The following CCNJL variants were observed in gnomAD, a reference collection of about 807,000 sequenced individuals.
CCNJL encodes the protein cyclin J like.
Under a neutral mutation model 33.4 loss-of-function variants are expected in CCNJL, and 33 were observed. The observed-to-expected ratio is 0.99, with a 90% CI of 0.75 to 1.32. The LOEUF is 1.32. Among genes scored for constraint, CCNJL ranks in the 40% most tolerant of loss-of-function variants. The probability of loss-of-function intolerance (pLI) is 0.00; values close to 1 mark genes in which losing one functional copy is unlikely to be tolerated. For missense variants in CCNJL, 512 were observed against 499.7 expected, an observed-to-expected ratio of 1.02 and a Z score of -0.23; for synonymous variants, 227 against 220.9, an observed-to-expected ratio of 1.03 and a Z score of -0.24.
At chr5:160,277,443 G>A (rs1311451006) in intron 3 of CCNJL, among the ~76,000 whole-genome samples, 1 of 152,184 alleles carries the variant, frequency 6.6e-6, no homozygotes, top group Non-Finnish European at 1.5e-5. Flanking sequence ...TTGCAGGAGG[G>A]GTGCTGTATA....
intron 3 of CCNJL, among the ~76,000 whole-genome samples, chr5:160,263,328 C>T (rs1002550807): frequency 3.9e-5 from 6 of 152,192 alleles, no homozygotes; most frequent in African/African-American, 1.4e-4. Flanking sequence ...TTCTAATATT[C>T]AGTCCACATC....
At chr5:160,271,606 G>C (rs1372100749) in intron 3 of CCNJL, among the ~76,000 whole-genome samples, 2 of 152,210 alleles carry the variant, frequency 1.3e-5, no homozygotes, top group Non-Finnish European at 2.9e-5. Flanking sequence ...TGACATTCGA[G>C]CCCCGTGCCC....
Position 160,255,550 on chromosome 5 carries a change from C to A in CCNJL, c.742G>T (p.Val248Leu). The change falls in exon 5 of 6, where the codon GTA (valine) becomes TTA (leucine). Residue 248 changes from valine to leucine, a missense_variant and splice_region_variant. Val to Leu is a conservative substitution (Grantham distance 32). Coordinates refer to ENST00000257536, the MANE Select transcript of CCNJL (RefSeq NM_001308173.3). ...HLSTCIEILL[V>L]VYDNVLKDAV... Reference sequence around the variant, plus strand: ...ACAGGATTCAGGGGAGAAACTTACACCAGCAGGATTTCAATACACGTGCTG... The same window carrying A: ...ACAGGATTCAGGGGAGAAACTTACAACAGCAGGATTTCAATACACGTGCTG... 6.2e-7 allele frequency: 1 copy of A among 1,613,888 alleles called. No individual in the cohort carries two copies. Among genetic ancestry groups the A allele is most frequent in the Non-Finnish European group, 8.5e-7 (1 of 1,179,842 alleles).
intron 1 of CCNJL, among the ~76,000 whole-genome samples, chr5:160,318,296 C>T (rs1287526892): frequency 6.6e-6 from 1 of 152,186 alleles, no homozygotes; most frequent in African/African-American, 2.4e-5. Flanking sequence ...GAATTACAGG[C>T]GTGAGCCACC....
At chr5:160,311,693 C>T (rs1424671896) in intron 2 of CCNJL, among the ~76,000 whole-genome samples, 165 bp downstream of exon 2, 3 of 152,110 alleles carry the variant, frequency 2.0e-5, no homozygotes, top group East Asian at 3.9e-4. Context: ...CTCTAACCCC[C>T]GCCCCCCAAT....
At chr5:160,319,135 T>C (rs1763411117) in intron 1 of CCNJL, among the ~76,000 whole-genome samples, 1 of 152,176 alleles carries the variant, frequency 6.6e-6, no homozygotes, top group South Asian at 2.1e-4. Context: ...TTTTAAGAGA[T>C]GGAGTTTTGC....
intron 2 of CCNJL, among the ~76,000 whole-genome samples, chr5:160,306,540 A>G (rs941542568): frequency 2.6e-5 from 4 of 152,170 alleles, no homozygotes; most frequent in Non-Finnish European, 5.9e-5. Context: ...TGTCAAGCAG[A>G]GCTTATCAAC....
upstream of CCNJL, among the ~76,000 whole-genome samples, chr5:160,313,634 A>G (rs918164600): frequency 2.0e-5 from 3 of 152,248 alleles, no homozygotes; most frequent in African/African-American, 7.2e-5. Flanking sequence ...TTAAAAGTGT[A>G]AGATACCTAA....
chr5:160,320,850 C>CTTTCTTTCTTTCCTTCTTTCT (rs1491096774), intron 1 of CCNJL, among the ~76,000 whole-genome samples: 1 of 55,532 alleles, frequency 1.8e-5, no homozygotes, highest in African/African-American at 6.0e-5. Flanking sequence ...TCTTTCTTTC[C>CTTTCTTTCTTTCCTTCTTTCT]TTCTTTCTTT....
At chr5:160,337,476 A>G (rs1763697209) in intron 1 of CCNJL, among the ~76,000 whole-genome samples, 1 of 152,156 alleles carries the variant, frequency 6.6e-6, no homozygotes, top group African/African-American at 2.4e-5. Context: ...CTCACTCAGC[A>G]TAAAAGCCAA....
At chr5:160,257,518 T>C (rs944065248) in intron 4 of CCNJL, among the ~76,000 whole-genome samples, 2 of 150,414 alleles carry the variant, frequency 1.3e-5, no homozygotes, top group East Asian at 2.0e-4. Flanking sequence ...AGCAATAACC[T>C]TGGGTAAGTT....
intron 2 of CCNJL, among the ~76,000 whole-genome samples, chr5:160,295,936 G>A (rs1006628107): frequency 3.3e-4 from 50 of 152,154 alleles, no homozygotes; most frequent in African/African-American, 1.1e-3. Flanking sequence ...AATTCCTGGG[G>A]ATGGAGCTGG....
At chr5:160,307,434 C>T (rs942643868) in intron 2 of CCNJL, among the ~76,000 whole-genome samples, 12 of 152,152 alleles carry the variant, frequency 7.9e-5, no homozygotes, top group Non-Finnish European at 1.3e-4. Context: ...CCAATGCTCT[C>T]GTTCCATCAT....
rs1442566568 is a variant in CCNJL at position 160,250,216 on chromosome 5, T to A, written c.*3162A>T. 2.0e-5 allele frequency: 3 copies of A among 152,252 alleles called. No homozygotes were observed. In the South Asian group the frequency reaches 6.2e-4, roughly 32 times the overall value. 9.4% of individuals were successfully genotyped at this position (152,252 alleles called of 1,614,324 possible). A position where few individuals can be genotyped will look rare whatever the true frequency, so the allele number is the denominator to read the frequency against. On this transcript the variant is annotated 3_prime_UTR_variant, in exon 6 of 6. Transcript: ENST00000257536. The stretch of plus-strand genomic sequence containing the variant: ...CAAGAGCTTAGAACCATCCACCAAC[T>A]TGACCATCTCCATAGTAACAGATGG...
chr5:160,327,910 G>A (rs1456948427), intron 1 of CCNJL, among the ~76,000 whole-genome samples: 1 of 136,276 alleles, frequency 7.3e-6, no homozygotes, highest in Non-Finnish European at 1.6e-5. Context: ...AAAGTAGTAA[G>A]TGCCATGCAG....
chr5:160,311,960 C>T lies in CCNJL; in HGVS notation c.-37G>A. ...CGCCGCTATCCGAGGCTACCCGGCT[C>T]TCAGGGCGCACCCTGCGTGGACACG... On this transcript the variant is annotated 5_prime_UTR_variant, in exon 2 of 6. Transcript: ENST00000257536. The T allele has an allele frequency of 6.2e-7, 1 of 1,605,808 alleles. No homozygotes were observed. The highest frequency in any genetic ancestry group is 8.5e-7 in the Non-Finnish European group (1 of 1,172,832).
chr5:160,315,490 G>C (rs946896944), upstream of CCNJL: 6 of 399,206 alleles, frequency 1.5e-5, no homozygotes, highest in African/African-American at 1.2e-4. Context: ...CTGGGCAACA[G>C]AGCGAGACAC....
chr5:160,273,143 A>T (rs768342120), intron 3 of CCNJL, among the ~76,000 whole-genome samples: 9 of 152,238 alleles, frequency 5.9e-5, no homozygotes, highest in Non-Finnish European at 1.0e-4. Context: ...CTATAAAGCC[A>T]TTGTGAACAC....
intron 3 of CCNJL, among the ~76,000 whole-genome samples, chr5:160,260,611 C>G (rs1761280409): frequency 1.3e-5 from 2 of 152,132 alleles, no homozygotes; most frequent in Admixed American, 1.3e-4. Context: ...GGTCAAGACT[C>G]AGGGGCTGGT....
Sources: allele counts gnomAD v4.1 joint callset (sites outside exome capture counted in the v4.1 genomes callset), GRCh38; gene constraint gnomAD v4.1.1; transcripts MANE v1.5; gene names NCBI Gene and HGNC (gene_info 2026-07-23, HGNC 2026-07-21).